The following TRAPPC9 variants were observed in gnomAD, a reference collection of about 807,000 sequenced individuals.
TRAPPC9 encodes IKK2 binding protein.
A neutral mutation model predicts 124.0 loss-of-function variants in TRAPPC9; 83 were observed. The ratio of observed to expected loss-of-function variants is 0.67; its 90% CI spans 0.56 to 0.80. The LOEUF (loss-of-function observed/expected upper bound fraction) is 0.80, where lower values mean the gene tolerates loss of function less well. Among genes scored for constraint, TRAPPC9 ranks in the 30% least tolerant of loss-of-function variants. TRAPPC9 has a pLI of 0.00. For missense variants in TRAPPC9, 1,302 were observed against 1,508.3 expected (o/e 0.86, Z 2.27); for synonymous variants, 638 against 617.5 (o/e 1.03, Z -0.49).
At chr8:140,150,226 T>C (rs2061523240) in intron 17 of TRAPPC9, among the ~76,000 whole-genome samples, 1 of 152,164 alleles carries the variant, frequency 6.6e-6, no homozygotes, top group Non-Finnish European at 1.5e-5. Context: ...GGCAGGCAGA[T>C]TACCTGAGGC....
intron 17 of TRAPPC9, among the ~76,000 whole-genome samples, chr8:140,218,210 T>C (rs1205438527): frequency 6.6e-6 from 1 of 152,082 alleles, no homozygotes; most frequent in Non-Finnish European, 1.5e-5. Flanking sequence ...AAGATGTTAG[T>C]AGGCCCAAAG....
rs1484654010 is a variant in TRAPPC9 at position 140,257,168 on chromosome 8, T to C, written c.2279-4239A>G. ...CCAAAATCTCCATATGCCAGCATTATCCACATCATATGAATGAGCAAACTA... is the reference window on the plus strand; with the variant it reads ...CCAAAATCTCCATATGCCAGCATTACCCACATCATATGAATGAGCAAACTA... On this transcript the variant is annotated intron_variant, in intron 15 of 22. Coordinates refer to ENST00000438773, the MANE Select transcript of TRAPPC9 (RefSeq NM_001160372.4). The surrounding 1 kb of genome is among the most constrained non-coding windows in gnomAD (Gnocchi z 4.6). Among the ~76,000 whole-genome samples, 1 of 152,186 alleles carries C rather than the reference T, an allele frequency of 6.6e-6. No homozygotes were observed. The highest frequency in any genetic ancestry group is 1.9e-4 in the East Asian group (1 of 5,192).
chr8:140,135,150 G>C (rs1587781959), intron 17 of TRAPPC9, among the ~76,000 whole-genome samples: 2 of 152,276 alleles, frequency 1.3e-5, no homozygotes, highest in African/African-American at 4.8e-5. Context: ...GCAGTAATTA[G>C]AGAAACAGAA....
chr8:139,774,128 C>T (rs1195482592), intron 21 of TRAPPC9, among the ~76,000 whole-genome samples: 1 of 152,180 alleles, frequency 6.6e-6, no homozygotes, highest in Non-Finnish European at 1.5e-5. Context: ...GCCACTGGGG[C>T]GGCAAGAAGG....
chr8:140,426,016 C>T (rs1162807573), intron 5 of TRAPPC9, among the ~76,000 whole-genome samples: 1 of 152,168 alleles, frequency 6.6e-6, no homozygotes, highest in African/African-American at 2.4e-5. Context: ...TAAGCACAGC[C>T]ATCTGATTTC....
intron 17 of TRAPPC9, among the ~76,000 whole-genome samples, chr8:140,200,103 T>G (rs941875056): frequency 6.6e-5 from 10 of 152,158 alleles, no homozygotes; most frequent in Non-Finnish European, 1.3e-4. Context: ...TGGGACCTAG[T>G]TTCTCACGGC....
chr8:140,269,293 GC>G (rs1269519836), intron 15 of TRAPPC9, among the ~76,000 whole-genome samples: 1 of 152,074 alleles, frequency 6.6e-6, no homozygotes, highest in Non-Finnish European at 1.5e-5. Flanking sequence ...TGTAATCCCA[GC>G]ACTTTGGGAG....
chr8:140,169,927 G>A lies in TRAPPC9; in HGVS notation c.2556+51532C>T, dbSNP rs146149472. On this transcript the variant is annotated intron_variant, in intron 17 of 22. Transcript: ENST00000438773. ...TAGTTTCTGCATTTTCTGTAGAGAC[G>A]GGGTTTCACCATGTTGCCTAGGGTG... Among the ~76,000 whole-genome samples, 10 of 152,138 alleles carry A rather than the reference G, an allele frequency of 6.6e-5. No individual in the cohort carries two copies. The South Asian group carries it at 1.0e-3, about 16-fold the overall frequency.
chr8:139,755,868 C>T (rs567417356), intron 21 of TRAPPC9, among the ~76,000 whole-genome samples: 2 of 136,484 alleles, frequency 1.5e-5, no homozygotes, highest in Non-Finnish European at 3.1e-5. Context: ...GACAGCAGGT[C>T]GCAGGAAGAG....
chr8:140,307,838 C>A (rs1157848896), intron 10 of TRAPPC9, among the ~76,000 whole-genome samples: 1 of 152,174 alleles, frequency 6.6e-6, no homozygotes, highest in Non-Finnish European at 1.5e-5. Context: ...GATGTGTTAT[C>A]TGGAGCTGCA....
chr8:139,812,916 C>A (rs1324198794), intron 21 of TRAPPC9, among the ~76,000 whole-genome samples: 2 of 152,210 alleles, frequency 1.3e-5, no homozygotes, highest in African/African-American at 4.8e-5. Context: ...GTGTGTGAGG[C>A]TGGGCCAGAA....
intron 17 of TRAPPC9, among the ~76,000 whole-genome samples, chr8:140,064,268 CTT>C (rs1272099907): frequency 1.3e-5 from 2 of 152,160 alleles, no homozygotes; most frequent in Non-Finnish European, 2.9e-5. Flanking sequence ...GGTCAGCTTT[CTT>C]TTACCTTTTC....
chr8:140,250,261 A>G (rs1017440627), intron 16 of TRAPPC9, among the ~76,000 whole-genome samples: 1 of 152,234 alleles, frequency 6.6e-6, no homozygotes, highest in Non-Finnish European at 1.5e-5. Flanking sequence ...TATACACAAC[A>G]TGTGACAATG....
chr8:139,971,568 G>A (rs909247802), intron 19 of TRAPPC9, among the ~76,000 whole-genome samples: 1 of 152,038 alleles, frequency 6.6e-6, no homozygotes, highest in African/African-American at 2.4e-5. Context: ...TGCAGAGGTG[G>A]GTGCTCTATC....
chr8:140,076,057 G>T (rs1008538531), intron 17 of TRAPPC9, among the ~76,000 whole-genome samples: 3 of 152,178 alleles, frequency 2.0e-5, no homozygotes, highest in African/African-American at 7.2e-5. Context: ...TAAACCTCAG[G>T]CCAGTCCTGA....
At chr8:140,120,665 C>CCCATCCATCCAACATCCATCCAT (rs2060968457) in intron 17 of TRAPPC9, among the ~76,000 whole-genome samples, 5 of 145,994 alleles carry the variant, frequency 3.4e-5, no homozygotes, top group Non-Finnish European at 6.0e-5. Flanking sequence ...CATCCATCCA[C>CCCATCCATCCAACATCCATCCAT]CCATCCATCC....
At chr8:140,237,088 G>C (rs1275103355) in intron 16 of TRAPPC9, among the ~76,000 whole-genome samples, 2 of 152,110 alleles carry the variant, frequency 1.3e-5, no homozygotes, top group Non-Finnish European at 2.9e-5. Flanking sequence ...GGCTGAGGCA[G>C]GAGAATCACT....
intron 17 of TRAPPC9, among the ~76,000 whole-genome samples, chr8:140,057,577 A>G (rs768007120): frequency 2.0e-5 from 3 of 152,224 alleles, no homozygotes; most frequent in Non-Finnish European, 2.9e-5. Context: ...AAAGGAAATA[A>G]AGCAGTCACA....
chr8:139,979,734 C>T (rs1031090881), intron 19 of TRAPPC9, among the ~76,000 whole-genome samples: 1 of 152,180 alleles, frequency 6.6e-6, no homozygotes, highest in Non-Finnish European at 1.5e-5. Context: ...GCGCCCCTCA[C>T]AGCAAGGCTG....
Sources: gnomAD v4.1 joint callset for allele counts (sites outside exome capture counted in the v4.1 genomes callset) on GRCh38, gnomAD v4.1.1 for gene constraint, Gnocchi (gnomAD v3.1) non-coding constraint, MANE v1.5 for transcripts, NCBI Gene and HGNC (gene_info 2026-07-23, HGNC 2026-07-21) for gene names.